STIM1: variants seen among roughly 807,000 people sequenced by gnomAD.
The protein encoded by STIM1 is stromal interaction molecule 1.
In STIM1, 25 loss-of-function variants were observed where a neutral mutation model predicts 74.7. The observed-to-expected ratio is 0.33, with a 90% CI of 0.24 to 0.47. STIM1 has a LOEUF of 0.47. Ranked by LOEUF, STIM1 falls within the 20% of genes least tolerant of loss-of-function variation. The probability of loss-of-function intolerance (pLI) is 1.00; values close to 1 mark genes in which losing one functional copy is unlikely to be tolerated. For missense variants in STIM1, 728 were observed against 920.8 expected (o/e 0.79, Z 2.71); for synonymous variants, 328 against 348.8 (o/e 0.94, Z 0.66).
chr11:3,933,900 G>C (rs952966548), intron 1 of STIM1, among the ~76,000 whole-genome samples: 4 of 152,208 alleles, frequency 2.6e-5, no homozygotes, highest in Non-Finnish European at 5.9e-5. Flanking sequence ...TTGGGGCTTG[G>C]CTTGAGTGGT....
At chr11:3,904,023 C>T (rs1456377125) in intron 1 of STIM1, among the ~76,000 whole-genome samples, 1 of 151,688 alleles carries the variant, frequency 6.6e-6, no homozygotes, top group South Asian at 2.1e-4. Context: ...ATGGTGAAAC[C>T]CCATCTCTAC....
chr11:3,867,186 C>T (rs1565095140), intron 1 of STIM1: 1 of 152,216 alleles, frequency 6.6e-6, no homozygotes, highest in Non-Finnish European at 1.5e-5. Flanking sequence ...ATTTTTCTGC[C>T]TGACCTAGTA....
At chr11:3,903,904 A>G (rs1170971794) in intron 1 of STIM1, among the ~76,000 whole-genome samples, 2 of 152,172 alleles carry the variant, frequency 1.3e-5, no homozygotes, top group Non-Finnish European at 2.9e-5. Flanking sequence ...TACATAGAAA[A>G]TGTCCTGGGA....
intron 2 of STIM1, among the ~76,000 whole-genome samples, chr11:3,980,924 T>G (rs1044195173): frequency 2.0e-5 from 3 of 152,186 alleles, no homozygotes; most frequent in Non-Finnish European, 4.4e-5. Flanking sequence ...CAGTTACTAT[T>G]GTCAGTTGTC....
chr11:4,011,117 A>G (rs2093832145), intron 2 of STIM1, among the ~76,000 whole-genome samples: 1 of 152,162 alleles, frequency 6.6e-6, no homozygotes, highest in Non-Finnish European at 1.5e-5. Context: ...CCAGTCTGTT[A>G]TTGATGGACA....
In STIM1 at chr11:4,084,723, A is replaced by G. The variant is rs553648008; in HGVS notation, c.1525A>G (p.Thr509Ala). The change falls in exon 11 of 13, where the codon ACA becomes GCA. Residue 509 changes from threonine to alanine, a missense_variant. Physicochemically the swap from Thr to Ala is moderately conservative, Grantham distance 58. Around this residue, in one of 5 missense-constraint regions of STIM1, gnomAD observed 352 missense variants for 370.1 expected, o/e 0.95. Coordinates refer to ENST00000526596, the MANE Select transcript of STIM1 (RefSeq NM_001382567.1). ...RRFSDRSLCS[T>A]SAGSDDQSLW... ...GTTCAGTGACCGCTCTCTCTGCTCT[A>G]CATCCGCCGGCTCGGATGATCAGTC... 49 of 1,289,316 alleles carry G rather than the reference A, an allele frequency of 3.8e-5. No individual in the cohort carries two copies. Among genetic ancestry groups the G allele is most frequent in the Non-Finnish European group, 4.7e-5 (46 of 988,838 alleles). The allele number at this position is 1,289,316 out of a possible 1,614,324, so 79.9% of individuals were successfully genotyped here. A position where few individuals can be genotyped will look rare whatever the true frequency, so the allele number is the denominator to read the frequency against.
intron 5 of STIM1, among the ~76,000 whole-genome samples, chr11:4,067,022 ACTT>A (rs775677228): frequency 3.3e-5 from 5 of 152,136 alleles, no homozygotes; most frequent in African/African-American, 4.8e-5. Context: ...TGCTTCAGCT[ACTT>A]CTTCTTTCTC....
intron 5 of STIM1, among the ~76,000 whole-genome samples, chr11:4,065,697 G>C (rs1016183906): frequency 6.6e-6 from 1 of 152,194 alleles, no homozygotes; most frequent in African/African-American, 2.4e-5. Context: ...GCTTGGTTTT[G>C]GGGAGAAATG....
chr11:3,885,692 T>A (rs1342128436), intron 1 of STIM1, among the ~76,000 whole-genome samples: 1 of 152,052 alleles, frequency 6.6e-6, no homozygotes, highest in African/African-American at 2.4e-5. Flanking sequence ...GGCTGAAATA[T>A]GGTGGCACAA....
chr11:4,068,136 G>C (rs1030517615), intron 5 of STIM1, among the ~76,000 whole-genome samples: 4 of 152,204 alleles, frequency 2.6e-5, no homozygotes, highest in African/African-American at 9.7e-5. Flanking sequence ...ACCTTAGAGG[G>C]AGGGAGTGAC....
At chr11:3,988,631 C>G (rs1271141072) in intron 2 of STIM1, among the ~76,000 whole-genome samples, 1 of 152,114 alleles carries the variant, frequency 6.6e-6, no homozygotes, top group Non-Finnish European at 1.5e-5. Context: ...TAATCTTTCA[C>G]AGCACAGTAA....
intron 1 of STIM1, among the ~76,000 whole-genome samples, chr11:3,877,968 A>G (rs535602657): frequency 2.6e-5 from 4 of 152,160 alleles, no homozygotes; most frequent in Non-Finnish European, 5.9e-5. Context: ...CTTTCAGGTA[A>G]AAAGGACTTC....
intron 2 of STIM1, among the ~76,000 whole-genome samples, chr11:3,981,899 A>C (rs1445304558): frequency 6.6e-6 from 1 of 152,260 alleles, no homozygotes; most frequent in Non-Finnish European, 1.5e-5. Flanking sequence ...GTAGAGCAAA[A>C]GTATGTACTT....
At chr11:3,982,963 G>C (rs2135807819) in intron 2 of STIM1, among the ~76,000 whole-genome samples, 1 of 152,112 alleles carries the variant, frequency 6.6e-6, no homozygotes, top group Non-Finnish European at 1.5e-5. Context: ...ACAGGGTCTT[G>C]CTCTGTCACC....
intron 1 of STIM1, among the ~76,000 whole-genome samples, chr11:3,954,612 A>G (rs1803871037): frequency 6.6e-6 from 1 of 152,198 alleles, no homozygotes; most frequent in South Asian, 2.1e-4. Context: ...AGAATGAGTC[A>G]GGATCTTTGA....
intron 2 of STIM1, among the ~76,000 whole-genome samples, chr11:4,004,037 C>T (rs535779166): frequency 5.3e-5 from 8 of 152,160 alleles, no homozygotes; most frequent in African/African-American, 1.4e-4. Flanking sequence ...TTAGAAGGGA[C>T]GTGAATGACC....
At chr11:3,934,969 C>T (rs921499185) in intron 1 of STIM1, among the ~76,000 whole-genome samples, 2 of 152,208 alleles carry the variant, frequency 1.3e-5, no homozygotes, top group Non-Finnish European at 2.9e-5. Context: ...TGGGGCAGTG[C>T]AAGGTGAGCA....
intron 1 of STIM1, among the ~76,000 whole-genome samples, chr11:3,885,211 C>T (rs2091661699): frequency 6.6e-6 from 1 of 150,842 alleles, no homozygotes; most frequent in South Asian, 2.1e-4. Flanking sequence ...CAGTATCTCA[C>T]TCTGTCATCT....
intron 1 of STIM1, among the ~76,000 whole-genome samples, chr11:3,869,424 ATCT>A (rs1444003813): frequency 3.3e-5 from 5 of 152,134 alleles, no homozygotes; most frequent in Admixed American, 6.6e-5. Context: ...GGCAGTTGTG[ATCT>A]TCTCTGCTGA....
Sources: allele counts gnomAD v4.1 joint callset (sites outside exome capture counted in the v4.1 genomes callset), GRCh38; gene constraint gnomAD v4.1.1; regional missense constraint gnomAD v4.1.1; transcripts MANE v1.5; gene names NCBI Gene and HGNC (gene_info 2026-07-23, HGNC 2026-07-21).